The following CDC73 variants were observed in gnomAD, a reference collection of about 807,000 sequenced individuals.
CDC73 encodes the protein parafibromin.
In CDC73, 21 loss-of-function variants were observed where a neutral mutation model predicts 83.7. The observed-to-expected ratio is 0.25, with a 90% CI of 0.18 to 0.36. The LOEUF is 0.36. Ranked by LOEUF, CDC73 falls within the 10% of genes least tolerant of loss-of-function variation. The pLI, the probability that CDC73 is intolerant of heterozygous loss-of-function variation, is 1.00. For missense variants in CDC73, 342 were observed against 653.3 expected, an observed-to-expected ratio of 0.52 and a Z score of 5.19; for synonymous variants, 224 against 212.9, an observed-to-expected ratio of 1.05 and a Z score of -0.45.
At chr1:193,143,971 A>T (rs557842864) in intron 7 of CDC73, among the ~76,000 whole-genome samples, 12 of 152,018 alleles carry the variant, frequency 7.9e-5, no homozygotes, top group African/African-American at 2.9e-4. Context: ...TTAGTGGGGC[A>T]TGGTGGCATG....
chr1:193,211,945 T>A (rs1482020304), intron 11 of CDC73, 120 bp from the exon 12 acceptor site: 1 of 737,100 alleles, frequency 1.4e-6, no homozygotes, highest in African/African-American at 1.8e-5. Flanking sequence ...AAAAGTCTTC[T>A]GATTTACAGT....
At chr1:193,236,913 A>G (rs1677769028) in intron 15 of CDC73, 1 of 151,096 alleles carries the variant, frequency 6.6e-6, no homozygotes, top group Non-Finnish European at 1.5e-5. Context: ...ATACTGTTGC[A>G]TGTCCATAGA....
rs138446152 is a variant in CDC73, at chr1:193,181,410, G to A, written c.973-22385G>A. 3.3e-4 allele frequency: 530 copies of A among 1,613,926 alleles called. No individual in the cohort carries two copies. The highest frequency in any genetic ancestry group is 4.2e-4 in the Non-Finnish European group (499 of 1,179,938). ...CAGGGTTTTCTTTGAATCCAGCTCT[G>A]CCTGGCAGCCAGTCATGATGATTGA... On this transcript the variant is annotated intron_variant, in intron 10 of 16. Coordinates refer to ENST00000367435, the MANE Select transcript of CDC73 (RefSeq NM_024529.5).
chr1:193,148,181 G>T (rs1015206255), intron 8 of CDC73, among the ~76,000 whole-genome samples: 17 of 152,180 alleles, frequency 1.1e-4, no homozygotes, highest in Non-Finnish European at 1.9e-4. Context: ...TAATATACCT[G>T]GGTCAGAGTC....
rs778467088 is a variant in CDC73, at chr1:193,130,204, G to C, written c.268G>C (p.Asp90His). 1 of 1,604,622 alleles carries C rather than the reference G, an allele frequency of 6.2e-7. No homozygotes were observed. The highest frequency in any genetic ancestry group is 8.5e-7 in the Non-Finnish European group (1 of 1,171,792). ...TENIPVVRRP[D>H]RKDLLGYLNG... Reference sequence around the variant, plus strand: ...AAATATTCCTGTGGTTAGAAGACCTGATCGAAAAGATCTACTTGGATATCT... The same window carrying C: ...AAATATTCCTGTGGTTAGAAGACCTCATCGAAAAGATCTACTTGGATATCT... Residue 90 changes from aspartate to histidine, a missense_variant, in exon 3 of 17, where the codon GAT becomes CAT. Asp to His is a moderately conservative substitution (Grantham distance 81, BLOSUM62 -1). Coordinates refer to ENST00000367435, the MANE Select transcript of CDC73 (RefSeq NM_024529.5).
rs760618130 is a variant in CDC73 at position 193,180,307 on chromosome 1, C to T, written c.973-23488C>T. The T allele has an allele frequency of 4.1e-5, 64 of 1,572,810 alleles. No individual in the cohort carries two copies. The Middle Eastern group carries it at 6.8e-4, about 17-fold the overall frequency. Reference sequence around the variant, plus strand: ...AAATTGTCTTTTCTAATGTAGTTTACGGTGGCGATACCTGCCTGCCTTTTC... The same window carrying T: ...AAATTGTCTTTTCTAATGTAGTTTATGGTGGCGATACCTGCCTGCCTTTTC... On this transcript the variant is annotated intron_variant, in intron 10 of 16. Coordinates refer to ENST00000367435, the MANE Select transcript of CDC73 (RefSeq NM_024529.5).
chr1:193,242,132 C>T (rs1217860667), intron 15 of CDC73, among the ~76,000 whole-genome samples: 1 of 145,556 alleles, frequency 6.9e-6, no homozygotes, highest in Non-Finnish European at 1.6e-5. Flanking sequence ...TCAGGTGCTT[C>T]CCCCACCCCG....
chr1:193,230,531 A>T (rs1410061537), intron 13 of CDC73, among the ~76,000 whole-genome samples: 4 of 146,134 alleles, frequency 2.7e-5, no homozygotes, highest in Non-Finnish European at 1.5e-5. Context: ...AATGGAAGAT[A>T]GCAATAGTAG....
intron 13 of CDC73, among the ~76,000 whole-genome samples, chr1:193,221,203 G>A (rs1309517249): frequency 6.6e-6 from 1 of 152,096 alleles, no homozygotes; most frequent in African/African-American, 2.4e-5. Flanking sequence ...TTGGAGGATG[G>A]GGGACTTGTA....
chr1:193,253,202 A>G lies in CDC73; in HGVS notation c.*2490A>G, dbSNP rs1379100256. 2 of 232,404 alleles carry G rather than the reference A, an allele frequency of 8.6e-6. No homozygotes were observed. The highest frequency in any genetic ancestry group is 1.7e-5 in the Non-Finnish European group (2 of 117,580). 14.4% of individuals were successfully genotyped at this position (232,404 alleles called of 1,614,324 possible). ...TTTAGAATCATTTGGAGAGTTTTTAAAAATATCCATGCCTGAATCTTGATT... is the reference window on the plus strand; with the variant it reads ...TTTAGAATCATTTGGAGAGTTTTTAGAAATATCCATGCCTGAATCTTGATT... On this transcript the variant is annotated 3_prime_UTR_variant, in exon 17 of 17. Transcript: ENST00000367435.
chr1:193,200,823 A>G (rs1259643765), intron 10 of CDC73, among the ~76,000 whole-genome samples: 1 of 151,820 alleles, frequency 6.6e-6, no homozygotes. Flanking sequence ...TTGTCTCTTC[A>G]TCTTTAGGGT....
chr1:193,147,196 A>G (rs4657745), intron 7 of CDC73, among the ~76,000 whole-genome samples: 109,788 of 151,378 alleles, frequency 0.73, 40,047 homozygotes, highest in South Asian at 0.82. Context: ...ATTTCACCGT[A>G]TTAGCCAGAA....
chr1:193,207,000 C>T (rs183849480), intron 11 of CDC73, among the ~76,000 whole-genome samples: 107 of 152,206 alleles, frequency 7.0e-4, no homozygotes, highest in Non-Finnish European at 1.4e-3. Context: ...TTGAAAGTAT[C>T]GGGGGAACCA....
chr1:193,249,777 G>A lies in CDC73; in HGVS notation c.1465G>A (p.Val489Ile). 6.2e-7 allele frequency: 1 copy of A among 1,610,296 alleles called. No individual in the cohort carries two copies. Among genetic ancestry groups the A allele is most frequent in the Non-Finnish European group, 8.5e-7 (1 of 1,176,866 alleles). ...KYDEVRLDPN[V>I]QKWDVTVLEL... ...TGATGAAGTTCGTCTGGATCCAAAT[G>A]TTCAGAAATGGGATGTAACAGTATT... The change falls in exon 16 of 17, where the codon GTT (valine) becomes ATT (isoleucine). Residue 489 changes from valine to isoleucine, a missense_variant. This residue lies in a region of CDC73 where 239 missense variants were observed against 420.6 expected (regional missense o/e 0.57). Transcript: ENST00000367435.
At chr1:193,247,007 G>T (rs906270188) in intron 15 of CDC73, among the ~76,000 whole-genome samples, 2 of 152,088 alleles carry the variant, frequency 1.3e-5, no homozygotes, top group African/African-American at 2.4e-5. Context: ...TTAGATCTTA[G>T]GTTAGACATC....
rs1678088902 is a variant in CDC73, at chr1:193,253,870, T to C, written c.*3158T>C. On this transcript the variant is annotated 3_prime_UTR_variant, in exon 17 of 17. Coordinates refer to ENST00000367435, the MANE Select transcript of CDC73 (RefSeq NM_024529.5). ...ATAAATATTGAGGGAATATTTTTCC[T>C]AAATAAAAATTTTTCTGACTGCTAA... The C allele has an allele frequency of 4.4e-6, 1 of 225,608 alleles. No homozygotes were observed. Among genetic ancestry groups the C allele is most frequent in the African/African-American group, 2.2e-5 (1 of 44,968 alleles). The allele number at this position is 225,608 out of a possible 1,614,324, so 14.0% of individuals were successfully genotyped here. A position where few individuals can be genotyped will look rare whatever the true frequency, so the allele number is the denominator to read the frequency against.
chr1:193,173,079 A>G (rs1295701722), intron 10 of CDC73, among the ~76,000 whole-genome samples: 2 of 152,140 alleles, frequency 1.3e-5, no homozygotes, highest in African/African-American at 2.4e-5. Flanking sequence ...AAGTCAGGCA[A>G]CCTGGCCTAG....
intron 15 of CDC73, among the ~76,000 whole-genome samples, chr1:193,237,400 C>T (rs906943784): frequency 6.6e-6 from 1 of 152,054 alleles, no homozygotes; most frequent in Non-Finnish European, 1.5e-5. Context: ...AAAAAAGATG[C>T]AAACCTTCTT....
In CDC73 at chr1:193,252,963, G is replaced by A. The variant is rs1401989227; in HGVS notation, c.*2251G>A. 1 of 231,616 alleles carries A rather than the reference G, an allele frequency of 4.3e-6. No homozygotes were observed. Among genetic ancestry groups the A allele is most frequent in the Non-Finnish European group, 8.5e-6 (1 of 117,078 alleles). 14.3% of individuals were successfully genotyped at this position (231,616 alleles called of 1,614,324 possible). A position where few individuals can be genotyped will look rare whatever the true frequency, so the allele number is the denominator to read the frequency against. ...TTGAGAGTACAGAATTACAGGGAAT[G>A]AAGAGAGGTATAAGTAGATATTTTA... is the stretch of plus-strand genomic sequence containing the variant. On this transcript the variant is annotated 3_prime_UTR_variant, in exon 17 of 17. Transcript: ENST00000367435.
Sources: allele counts gnomAD v4.1 joint callset (sites outside exome capture counted in the v4.1 genomes callset), GRCh38; gene constraint gnomAD v4.1.1; regional missense constraint gnomAD v4.1.1; transcripts MANE v1.5; gene names NCBI Gene and HGNC (gene_info 2026-07-23, HGNC 2026-07-21).